Variants in FGF12 observed in about 807,000 individuals in gnomAD.
FGF12 encodes fibroblast growth factor 12.
In FGF12, 14 loss-of-function variants were observed where a neutral mutation model predicts 23.6. The ratio of observed to expected loss-of-function variants is 0.59; its 90% confidence interval spans 0.39 to 0.93. FGF12 has a LOEUF of 0.93. Ranked by LOEUF, FGF12 falls within the 40% of genes least tolerant of loss-of-function variation. FGF12 has a pLI of 0.00. For missense variants in FGF12, 175 were observed against 217.8 expected (o/e 0.80, Z 1.24); for synonymous variants, 62 against 77.3 (o/e 0.80, Z 1.04).
At chr3:192,318,317 G>T (rs1039430178) in intron 4 of FGF12, among the ~76,000 whole-genome samples, 3 of 152,068 alleles carry the variant, frequency 2.0e-5, no homozygotes, top group African/African-American at 7.2e-5. Flanking sequence ...TTTGAGGAAG[G>T]TCAACAAAAT....
intron 2 of FGF12, among the ~76,000 whole-genome samples, chr3:192,710,782 ACT>A: frequency 6.6e-6 from 1 of 152,194 alleles, no homozygotes; most frequent in East Asian, 1.9e-4. Flanking sequence ...TAGAGCAGAA[ACT>A]CTCTGCATAG....
intron 2 of FGF12, among the ~76,000 whole-genome samples, chr3:192,577,612 A>G (rs61014673): frequency 0.29 from 43,449 of 152,180 alleles, 6,612 homozygotes; most frequent in East Asian, 0.57. Context: ...AGAGGAATTC[A>G]CTAAAATTTA....
At chr3:192,677,508 T>C (rs960455440) in intron 2 of FGF12, among the ~76,000 whole-genome samples, 15 of 152,226 alleles carry the variant, frequency 9.9e-5, no homozygotes, top group Admixed American at 8.5e-4. Context: ...TCAATATGAA[T>C]ATTTTCTAAT....
At chr3:192,358,600 G>C (rs1301758710) in intron 3 of FGF12, among the ~76,000 whole-genome samples, 4 of 151,768 alleles carry the variant, frequency 2.6e-5, no homozygotes, top group African/African-American at 9.7e-5. Context: ...AGTTCACCCA[G>C]CGTCAGCAGA....
chr3:192,453,750 T>A (rs1722596915), intron 2 of FGF12, among the ~76,000 whole-genome samples: 1 of 152,140 alleles, frequency 6.6e-6, no homozygotes, highest in African/African-American at 2.4e-5. Context: ...TCTCCTAGCA[T>A]GAAGACCCAT....
intron 2 of FGF12, among the ~76,000 whole-genome samples, chr3:192,481,799 G>A (rs1190477824): frequency 6.6e-6 from 1 of 152,168 alleles, no homozygotes; most frequent in Non-Finnish European, 1.5e-5. Flanking sequence ...GTTATCCCCT[G>A]GTGTTTAAGC....
At chr3:192,148,877 C>T (rs1279198984) in intron 5 of FGF12, among the ~76,000 whole-genome samples, 3 of 152,170 alleles carry the variant, frequency 2.0e-5, no homozygotes, top group Admixed American at 1.3e-4. Context: ...GTATAGCATC[C>T]ATTTAGCCAT....
chr3:192,222,985 C>T (rs1397734229), intron 4 of FGF12, among the ~76,000 whole-genome samples: 3 of 152,238 alleles, frequency 2.0e-5, no homozygotes, highest in South Asian at 2.1e-4. Flanking sequence ...TTCAGTTGCA[C>T]GTATTCCGCA....
chr3:192,553,532 C>T (rs1170648142), intron 2 of FGF12, among the ~76,000 whole-genome samples: 4 of 152,190 alleles, frequency 2.6e-5, no homozygotes, highest in South Asian at 2.1e-4. Context: ...AAGCCCAGAA[C>T]CTCTTTCCCC....
chr3:192,230,986 T>G (rs1319128910), intron 4 of FGF12, among the ~76,000 whole-genome samples: 2 of 152,212 alleles, frequency 1.3e-5, no homozygotes, highest in East Asian at 3.8e-4. Context: ...ATCATTTACC[T>G]TTCTAATTTT....
chr3:192,398,235 C>T (rs1720607077), intron 2 of FGF12, among the ~76,000 whole-genome samples: 1 of 152,200 alleles, frequency 6.6e-6, no homozygotes, highest in Non-Finnish European at 1.5e-5. Context: ...ACATCCAAAA[C>T]AGCACACTAA....
chr3:192,547,129 T>C (rs1427360735), intron 2 of FGF12, among the ~76,000 whole-genome samples: 2 of 152,298 alleles, frequency 1.3e-5, no homozygotes, highest in Admixed American at 1.3e-4. Context: ...CCCAACTCTA[T>C]CTGTACTAAT....
chr3:192,409,968 G>T lies in FGF12; in HGVS notation c.14-49430C>A, dbSNP rs1222674995. Among the ~76,000 whole-genome samples the T allele has an allele frequency of 6.6e-6, 1 of 151,924 alleles. No individual in the cohort carries two copies. Among genetic ancestry groups the T allele is most frequent in the African/African-American group, 2.4e-5 (1 of 41,416 alleles). On this transcript the variant is annotated intron_variant, in intron 2 of 5. Coordinates refer to ENST00000445105, the MANE Select transcript of FGF12 (RefSeq NM_004113.6). The surrounding 1 kb of genome is among the most constrained non-coding windows in gnomAD (Gnocchi z 4.8). ...CGCTCAGGGTGGAGTCCCATTCATG[G>T]GCTGAGGCTCTGGGCGCGCGGAGCC...
At chr3:192,256,419 T>C (rs1712397146) in intron 4 of FGF12, among the ~76,000 whole-genome samples, 2 of 151,736 alleles carry the variant, frequency 1.3e-5, no homozygotes, top group Admixed American at 1.3e-4. Context: ...TACTTGTTAC[T>C]GTATAGATAT....
At chr3:192,192,090 A>G (rs923987140) in intron 4 of FGF12, among the ~76,000 whole-genome samples, 1 of 152,340 alleles carries the variant, frequency 6.6e-6, no homozygotes, top group East Asian at 1.9e-4. Context: ...TAGAGAAATC[A>G]TTCTTCAATC....
chr3:192,322,046 A>G (rs1716568361), intron 4 of FGF12, among the ~76,000 whole-genome samples: 1 of 152,078 alleles, frequency 6.6e-6, no homozygotes, highest in Non-Finnish European at 1.5e-5. Context: ...TTTGCAGATG[A>G]TATGATAGTA....
intron 4 of FGF12, among the ~76,000 whole-genome samples, chr3:192,220,648 G>A (rs11706219): frequency 6.6e-6 from 1 of 151,878 alleles, no homozygotes; most frequent in Non-Finnish European, 1.5e-5. Flanking sequence ...TGTCAGTTAC[G>A]AACTATCATC....
chr3:192,517,767 T>C (rs1051193567), intron 2 of FGF12, among the ~76,000 whole-genome samples: 5 of 152,220 alleles, frequency 3.3e-5, no homozygotes, highest in African/African-American at 1.2e-4. Flanking sequence ...TAGAATTGTA[T>C]TACTTAGACA....
intron 2 of FGF12, among the ~76,000 whole-genome samples, chr3:192,704,751 G>A (rs926747873): frequency 6.6e-6 from 1 of 152,196 alleles, no homozygotes; most frequent in African/African-American, 2.4e-5. Flanking sequence ...AGACTATGAA[G>A]TCTCCATTGA....
Sources: allele counts gnomAD v4.1 joint callset (sites outside exome capture counted in the v4.1 genomes callset), GRCh38; gene constraint gnomAD v4.1.1; non-coding constraint Gnocchi (gnomAD v3.1); transcripts MANE v1.5; gene names NCBI Gene and HGNC (gene_info 2026-07-23, HGNC 2026-07-21).